The following COL24A1 variants were observed in gnomAD, a reference collection of about 807,000 sequenced individuals.
The protein encoded by COL24A1 is collagen alpha-1(XXIV) chain.
COL24A1 carries 224 observed loss-of-function variants against 253.9 expected under a neutral mutation model. That is an observed-to-expected ratio of 0.88 (90% CI 0.79 to 0.99). The LOEUF (loss-of-function observed/expected upper bound fraction) is 0.99. Among genes scored for constraint, COL24A1 ranks in the 50% least tolerant of loss-of-function variants. COL24A1 has a pLI of 0.00. For missense variants in COL24A1, 2,131 were observed against 2,068.5 expected (o/e 1.03, Z -0.59); for synonymous variants, 685 against 673.7 (o/e 1.02, Z -0.26).
intron 47 of COL24A1, among the ~76,000 whole-genome samples, chr1:85,811,247 TACTA>T (rs1464784626): frequency 5.1e-4 from 77 of 152,340 alleles, no homozygotes; most frequent in East Asian, 5.8e-4. Flanking sequence ...GGGTTGTTTC[TACTA>T]ACTATTATGC....
intron 37 of COL24A1, among the ~76,000 whole-genome samples, chr1:85,863,934 C>T (rs1327001589): frequency 1.3e-5 from 2 of 152,166 alleles, no homozygotes; most frequent in Admixed American, 6.5e-5. Flanking sequence ...GAAATAGGAA[C>T]ACTTTTACAC....
intron 24 of COL24A1, among the ~76,000 whole-genome samples, chr1:85,920,801 G>A (rs964687105): frequency 6.6e-6 from 1 of 151,914 alleles, no homozygotes; most frequent in African/African-American, 2.4e-5. Flanking sequence ...AATCTATCTT[G>A]AAATACTGAT....
intron 2 of COL24A1, among the ~76,000 whole-genome samples, chr1:86,128,026 G>A (rs754164619): frequency 2.7e-4 from 41 of 152,024 alleles, no homozygotes; most frequent in Admixed American, 9.2e-4. Flanking sequence ...GATATTGTAT[G>A]ACAAACTTTT....
chr1:85,896,210 G>T, intron 29 of COL24A1, 145 bp from the exon 30 acceptor site: 1 of 1,170,596 alleles, frequency 8.5e-7, no homozygotes. Flanking sequence ...TGCCTGTGTA[G>T]TAAAAACTTT....
At chr1:86,020,781 T>C (rs149009031) in intron 18 of COL24A1, among the ~76,000 whole-genome samples, 23 of 152,332 alleles carry the variant, frequency 1.5e-4, no homozygotes, top group Admixed American at 5.2e-4. Context: ...AGAGTCTTTA[T>C]ATGGTTTAGA....
At chr1:86,129,593 T>C (rs1020596231) in intron 2 of COL24A1, among the ~76,000 whole-genome samples, 1 of 151,794 alleles carries the variant, frequency 6.6e-6, no homozygotes, top group Admixed American at 6.6e-5. Flanking sequence ...TTTTGATATG[T>C]AGCATTTTCA....
intron 1 of COL24A1, among the ~76,000 whole-genome samples, chr1:86,151,036 A>G (rs1278153597): frequency 1.3e-5 from 2 of 152,000 alleles, no homozygotes; most frequent in African/African-American, 4.8e-5. Flanking sequence ...AATGTTATAT[A>G]TATAGGTGTG....
At chr1:86,076,470 G>A (rs1702254520) in intron 7 of COL24A1, among the ~76,000 whole-genome samples, 1 of 152,124 alleles carries the variant, frequency 6.6e-6, no homozygotes, top group Admixed American at 6.5e-5. Context: ...ACTGTCCCAA[G>A]TAATTTATAG....
chr1:85,972,485 AC>A (rs1692267206), intron 20 of COL24A1, among the ~76,000 whole-genome samples: 1 of 152,190 alleles, frequency 6.6e-6, no homozygotes, highest in African/African-American at 2.4e-5. Context: ...CAATAACCTA[AC>A]TTTTTAATGA....
intron 43 of COL24A1, among the ~76,000 whole-genome samples, chr1:85,834,262 AAG>A (rs1343773551): frequency 6.6e-6 from 1 of 151,930 alleles, no homozygotes. Flanking sequence ...GGGGAAGAAA[AAG>A]AGATTCATAG....
intron 24 of COL24A1, among the ~76,000 whole-genome samples, 170 bp from the exon 25 acceptor site, chr1:85,911,603 A>G (rs1685376877): frequency 6.6e-6 from 1 of 152,072 alleles, no homozygotes; most frequent in South Asian, 2.1e-4. Context: ...TCATATCAGA[A>G]TTAATTTATT....
chr1:86,091,656 C>T (rs141449136), intron 6 of COL24A1, among the ~76,000 whole-genome samples: 57 of 152,180 alleles, frequency 3.7e-4, no homozygotes, highest in Middle Eastern at 3.4e-3. Flanking sequence ...TGCTTTAAAA[C>T]TAGTTTTTAC....
At chr1:85,789,483 T>C (rs1670041022) in intron 47 of COL24A1, among the ~76,000 whole-genome samples, 1 of 152,134 alleles carries the variant, frequency 6.6e-6, no homozygotes, top group Non-Finnish European at 1.5e-5. Context: ...GTTTTCTAGA[T>C]ATAGGATCAT....
chr1:85,736,557 T>C (rs748411539), intron 58 of COL24A1: 1 of 451,584 alleles, frequency 2.2e-6, no homozygotes, highest in South Asian at 1.6e-5. Flanking sequence ...TAATGGTGAA[T>C]GCCTATTAAG....
chr1:86,099,113 C>T (rs939618695), intron 5 of COL24A1, among the ~76,000 whole-genome samples: 2 of 152,114 alleles, frequency 1.3e-5, no homozygotes, highest in Non-Finnish European at 2.9e-5. Flanking sequence ...TATGTGCTCT[C>T]TGATCAAAAT....
chr1:86,000,430 G>A (rs190224104), intron 19 of COL24A1, among the ~76,000 whole-genome samples: 46 of 152,188 alleles, frequency 3.0e-4, no homozygotes, highest in Admixed American at 2.0e-3. Flanking sequence ...TTTATTGACT[G>A]ATTTAATCAC....
At chr1:85,850,317 C>A (rs1677616736) in intron 37 of COL24A1, among the ~76,000 whole-genome samples, 1 of 152,096 alleles carries the variant, frequency 6.6e-6, no homozygotes, top group South Asian at 2.1e-4. Flanking sequence ...AAAAGCTTGG[C>A]AAATTGCAAA....
intron 43 of COL24A1, among the ~76,000 whole-genome samples, chr1:85,832,070 T>C (rs1382757110): frequency 6.6e-6 from 1 of 152,032 alleles, no homozygotes; most frequent in African/African-American, 2.4e-5. Context: ...GTCTAACATG[T>C]AAGTCTTTAA....
intron 23 of COL24A1, 22 bp downstream of exon 23, chr1:85,964,987 A>G (rs928141545): frequency 1.1e-5 from 18 of 1,592,020 alleles, no homozygotes; most frequent in Non-Finnish European, 1.5e-5. Flanking sequence ...TTTAAAACTG[A>G]TAATAAAGTC....
Sources: gnomAD v4.1 joint callset for allele counts (sites outside exome capture counted in the v4.1 genomes callset) on GRCh38, gnomAD v4.1.1 for gene constraint, MANE v1.5 for transcripts, NCBI Gene and HGNC (gene_info 2026-07-23, HGNC 2026-07-21) for gene names.